Variants in PABPC4L observed in about 807,000 individuals in gnomAD.
PABPC4L encodes polyadenylate-binding protein 4-like.
For missense variants in PABPC4L, 452 were observed against 451.4 expected, an observed-to-expected ratio of 1.00 and a Z score of -0.01; for synonymous variants, 169 against 164.1, an observed-to-expected ratio of 1.03 and a Z score of -0.23.
the PABPC4L span, among the ~76,000 whole-genome samples, chr4:134,052,038 AT>A: frequency 1.3e-5 from 2 of 152,100 alleles, no homozygotes; most frequent in Non-Finnish European, 2.9e-5. Flanking sequence ...AATCATTATT[AT>A]TCTTTGATAG....
At chr4:134,033,553 T>C in the PABPC4L span, among the ~76,000 whole-genome samples, 2 of 151,912 alleles carry the variant, frequency 1.3e-5, no homozygotes, top group African/African-American at 4.8e-5. Context: ...GAAAAAGTTT[T>C]TGAAGGAAAT....
At chr4:133,978,757 A>T in the PABPC4L span, 1 of 152,106 alleles carries the variant, frequency 6.6e-6, no homozygotes, top group Admixed American at 6.6e-5. Context: ...AAATCCCAAT[A>T]TTCTCTTTTG....
At chr4:134,034,253 GA>G in the PABPC4L span, among the ~76,000 whole-genome samples, 1 of 151,982 alleles carries the variant, frequency 6.6e-6, no homozygotes, top group Admixed American at 6.6e-5. Flanking sequence ...GCCCACTTTT[GA>G]AACTACTTCT....
At chr4:134,120,688 T>C in the PABPC4L span, among the ~76,000 whole-genome samples, 1 of 151,582 alleles carries the variant, frequency 6.6e-6, no homozygotes, top group East Asian at 1.9e-4. Context: ...TATTATAAAG[T>C]CAGCTATCAG....
At chr4:134,024,883 C>T in the PABPC4L span, among the ~76,000 whole-genome samples, 3 of 146,002 alleles carry the variant, frequency 2.1e-5, no homozygotes, top group Non-Finnish European at 4.5e-5. Context: ...GATTTTGTCA[C>T]CTTAACCTGC....
At chr4:133,995,660 A>C in the PABPC4L span, among the ~76,000 whole-genome samples, 57 of 152,130 alleles carry the variant, frequency 3.7e-4, no homozygotes, top group Admixed American at 9.2e-4. Flanking sequence ...GTGCACAAAG[A>C]CACTTGTGCA....
chr4:134,004,371 C>CCAACAGGTA, the PABPC4L span, among the ~76,000 whole-genome samples: 1 of 151,790 alleles, frequency 6.6e-6, no homozygotes, highest in Non-Finnish European at 1.5e-5. Flanking sequence ...ATACAAAAGG[C>CCAACAGGTA]CAACAGGTAT....
the PABPC4L span, among the ~76,000 whole-genome samples, chr4:134,174,892 A>T: frequency 6.6e-6 from 1 of 152,148 alleles, no homozygotes; most frequent in Admixed American, 6.6e-5. Context: ...CATTTTCTCT[A>T]AATCTTTAGC....
the PABPC4L span, among the ~76,000 whole-genome samples, chr4:134,006,943 C>T: frequency 6.6e-6 from 1 of 151,684 alleles, no homozygotes; most frequent in Non-Finnish European, 1.5e-5. Context: ...TGAATACTGT[C>T]AAGTTTATGA....
the PABPC4L span, among the ~76,000 whole-genome samples, chr4:134,017,718 G>A: frequency 2.0e-4 from 30 of 151,982 alleles, no homozygotes; most frequent in Non-Finnish European, 3.4e-4. Context: ...ATACAAAACC[G>A]TATCCAGGCC....
the PABPC4L span, among the ~76,000 whole-genome samples, chr4:134,127,897 A>G: frequency 6.6e-6 from 1 of 152,136 alleles, no homozygotes; most frequent in South Asian, 2.1e-4. Flanking sequence ...AAAGAAATAA[A>G]AAAAGAAGAA....
the PABPC4L span, among the ~76,000 whole-genome samples, chr4:134,110,885 G>T: frequency 6.6e-6 from 1 of 151,854 alleles, no homozygotes; most frequent in Non-Finnish European, 1.5e-5. Context: ...TCCACAGTTG[G>T]TTGAACCCAC....
the PABPC4L span, among the ~76,000 whole-genome samples, chr4:134,158,142 C>A: frequency 6.6e-6 from 1 of 151,904 alleles, no homozygotes; most frequent in African/African-American, 2.4e-5. Context: ...CCTCCCCCAT[C>A]TCCCTACAAA....
the PABPC4L span, among the ~76,000 whole-genome samples, chr4:133,988,714 T>C: frequency 6.6e-6 from 1 of 152,154 alleles, no homozygotes; most frequent in Admixed American, 6.5e-5. Context: ...TGGAGGATGG[T>C]GGCCCTCTTC....
chr4:134,015,611 A>G, the PABPC4L span, among the ~76,000 whole-genome samples: 1 of 152,200 alleles, frequency 6.6e-6, no homozygotes, highest in African/African-American at 2.4e-5. Context: ...CATAATTCTC[A>G]TAAAAACACA....
the PABPC4L span, among the ~76,000 whole-genome samples, chr4:133,982,238 T>A: frequency 6.6e-6 from 1 of 151,994 alleles, no homozygotes; most frequent in Non-Finnish European, 1.5e-5. Context: ...AAGCAGCTTA[T>A]TTTTTTAATA....
chr4:134,177,733 C>A, the PABPC4L span, among the ~76,000 whole-genome samples: 1 of 152,116 alleles, frequency 6.6e-6, no homozygotes, highest in African/African-American at 2.4e-5. Context: ...GCACATGACA[C>A]CACCTGGCCC....
At chr4:134,176,490 TAATAAC>T in the PABPC4L span, among the ~76,000 whole-genome samples, 1 of 151,900 alleles carries the variant, frequency 6.6e-6, no homozygotes, top group African/African-American at 2.4e-5. Flanking sequence ...ATAATAATGA[TAATAAC>T]AATAATAATA....
chr4:133,982,467 A>T, the PABPC4L span, among the ~76,000 whole-genome samples: 1 of 152,026 alleles, frequency 6.6e-6, no homozygotes, highest in Admixed American at 6.5e-5. Flanking sequence ...GCTTACTTGA[A>T]ATCTAATTAA....
Sources: allele counts gnomAD v4.1 joint callset (sites outside exome capture counted in the v4.1 genomes callset), GRCh38; gene constraint gnomAD v4.1.1; transcripts MANE v1.5; gene names NCBI Gene and HGNC (gene_info 2026-07-23, HGNC 2026-07-21).